The following POC1A variants were observed in gnomAD, a reference collection of about 807,000 sequenced individuals.
The protein encoded by POC1A is POC1 centriolar protein homolog A.
POC1A carries 34 observed loss-of-function variants against 47.8 expected under a neutral mutation model. The ratio of observed to expected loss-of-function variants is 0.71; its 90% confidence interval spans 0.54 to 0.95. The LOEUF (loss-of-function observed/expected upper bound fraction) is 0.95, where lower values mean the gene tolerates loss of function less well. Among genes scored for constraint, POC1A ranks in the 40% least tolerant of loss-of-function variants. POC1A has a pLI of 0.00. For missense variants in POC1A, 466 were observed against 528.3 expected (o/e 0.88, Z 1.16); for synonymous variants, 177 against 207.6 (o/e 0.85, Z 1.27).
At chr3:52,125,632 G>A (rs747659651) in intron 7 of POC1A, among the ~76,000 whole-genome samples, 6 of 152,090 alleles carry the variant, frequency 3.9e-5, no homozygotes, top group Admixed American at 6.6e-5. Context: ...GCTGACCAGA[G>A]AAATAGGGAT....
intron 10 of POC1A, among the ~76,000 whole-genome samples, chr3:52,078,166 GT>G (rs1237150382): frequency 1.3e-5 from 2 of 152,084 alleles, no homozygotes; most frequent in Admixed American, 6.6e-5. Context: ...TCATCTCTGT[GT>G]TTGGTCTCAG....
In POC1A at chr3:52,085,298, G is replaced by A. The variant is rs374998768; in HGVS notation, c.1126-9313C>T. Among the ~76,000 whole-genome samples the A allele has an allele frequency of 1.8e-4, 27 of 152,250 alleles. 1 individual carries two copies. The South Asian group carries it at 5.2e-3, about 29-fold the overall frequency. The stretch of plus-strand genomic sequence containing the variant: ...GAGGCACTTCCCTCTTGGCACTCAG[G>A]TGCCCCTCCGGCCTGCTCCTCTCAG... On this transcript the variant is annotated intron_variant, in intron 10 of 10. Transcript: ENST00000296484.
chr3:52,114,540 T>C lies in POC1A; in HGVS notation c.981+7839A>G, dbSNP rs1489711065. Among the ~76,000 whole-genome samples, 3 of 152,148 alleles carry C rather than the reference T, an allele frequency of 2.0e-5. No individual in the cohort carries two copies. The South Asian group carries it at 6.2e-4, about 32-fold the overall frequency. ...AGGGGTGAGGATGCTGGGCTCCTTT[T>C]TCCCACTGAGAAATGAGGAGACTCC... On this transcript the variant is annotated intron_variant, in intron 9 of 10. Coordinates refer to ENST00000296484, the MANE Select transcript of POC1A (RefSeq NM_015426.5).
At chr3:52,092,697 C>T (rs1213600817) in intron 10 of POC1A, among the ~76,000 whole-genome samples, 4 of 152,120 alleles carry the variant, frequency 2.6e-5, no homozygotes, top group African/African-American at 7.2e-5. Context: ...TGCACCTGCT[C>T]GGCTCACAAG....
chr3:52,115,964 C>T (rs1398159700), intron 9 of POC1A, among the ~76,000 whole-genome samples: 1 of 152,160 alleles, frequency 6.6e-6, no homozygotes, highest in Non-Finnish European at 1.5e-5. Flanking sequence ...GCCCAGACTT[C>T]ACCCCTACAC....
chr3:52,127,287 C>A (rs1477351210), intron 7 of POC1A, among the ~76,000 whole-genome samples: 2 of 152,172 alleles, frequency 1.3e-5, no homozygotes, highest in Non-Finnish European at 2.9e-5. Flanking sequence ...CACTCAGATA[C>A]CCTTTCAGGT....
intron 9 of POC1A, among the ~76,000 whole-genome samples, chr3:52,122,120 C>T (rs575903900): frequency 7.9e-5 from 12 of 152,316 alleles, no homozygotes; most frequent in African/African-American, 2.9e-4. Context: ...CATGGCAACA[C>T]GCTCCCACCA....
chr3:52,142,531 T>C (rs932277276), intron 6 of POC1A, among the ~76,000 whole-genome samples: 2 of 152,204 alleles, frequency 1.3e-5, no homozygotes, highest in Non-Finnish European at 1.5e-5. Context: ...AGCACAACTA[T>C]GGACGGCTGG....
Position 52,103,661 on chromosome 3 carries a change from A to G in POC1A, c.982-6949T>C, listed in dbSNP as rs1040720605. Among the ~76,000 whole-genome samples the G allele has an allele frequency of 1.6e-4, 25 of 152,238 alleles. 1 individual carries two copies. Among genetic ancestry groups the G allele is most frequent in the Non-Finnish European group, 4.4e-5 (3 of 68,046 alleles). ...AGATATGACACCTAAAGTATGATCC[A>G]TAAAAGAAAAAATTGATAAAATGAA... On this transcript the variant is annotated intron_variant, in intron 9 of 10. Coordinates refer to ENST00000296484, the MANE Select transcript of POC1A (RefSeq NM_015426.5).
chr3:52,120,705 C>T (rs1361756900), intron 9 of POC1A, among the ~76,000 whole-genome samples: 1 of 152,186 alleles, frequency 6.6e-6, no homozygotes, highest in East Asian at 1.9e-4. Flanking sequence ...ACAACTCCAA[C>T]GTGAGTCTGT....
At chr3:52,077,512 G>T (rs1263270276) in intron 10 of POC1A, among the ~76,000 whole-genome samples, 4 of 152,210 alleles carry the variant, frequency 2.6e-5, no homozygotes, top group Admixed American at 2.6e-4. Flanking sequence ...ACAGAGCCTG[G>T]AAAAATTGCT....
In POC1A at chr3:52,149,237, T is replaced by C; in HGVS notation, c.428A>G (p.Gln143Arg). Residue 143 changes from glutamine (Q) to arginine (R), a missense_variant, in exon 4 of 11, where the codon CAG becomes CGG. By Grantham distance (43) the Gln-to-Arg change is conservative (BLOSUM62 1). Coordinates refer to ENST00000296484, the MANE Select transcript of POC1A (RefSeq NM_015426.5). Reference sequence around the variant, plus strand: ...GGCACAGCGGACCCAGTTGATATGCTGGCTCAGGGAGAACAGGAATTTCTG... The same window carrying C: ...GGCACAGCGGACCCAGTTGATATGCCGGCTCAGGGAGAACAGGAATTTCTG... ...HRQKFLFSLS[Q>R]HINWVRCAKF... 1 of 1,614,148 alleles carries C rather than the reference T, an allele frequency of 6.2e-7. No homozygotes were observed. Among genetic ancestry groups the C allele is most frequent in the Non-Finnish European group, 8.5e-7 (1 of 1,180,020 alleles).
At chr3:52,124,884 C>G (rs1449650210) in intron 8 of POC1A, among the ~76,000 whole-genome samples, 1 of 152,220 alleles carries the variant, frequency 6.6e-6, no homozygotes, top group Non-Finnish European at 1.5e-5. Flanking sequence ...AGTGAGGATT[C>G]TGAGATGCAG....
chr3:52,137,022 C>T (rs1559845036), intron 7 of POC1A, among the ~76,000 whole-genome samples: 1 of 152,298 alleles, frequency 6.6e-6, no homozygotes, highest in South Asian at 2.1e-4. Flanking sequence ...AACGGTTACA[C>T]ATGAATCTGT....
intron 6 of POC1A, among the ~76,000 whole-genome samples, chr3:52,139,143 CT>C (rs1237029810): frequency 6.6e-6 from 1 of 152,198 alleles, no homozygotes; most frequent in Non-Finnish European, 1.5e-5. Context: ...GAGCAAGCAT[CT>C]TAACCACATT....
In POC1A at chr3:52,090,192, G is replaced by A. The variant is rs1702598599; in HGVS notation, c.1125+6377C>T. On this transcript the variant is annotated intron_variant, in intron 10 of 10. Coordinates refer to ENST00000296484, the MANE Select transcript of POC1A (RefSeq NM_015426.5). The surrounding 1 kb of genome is among the most constrained non-coding windows in gnomAD (Gnocchi z 4.2). ...CATTTTCAAGTCCTGGAGCCCAGCA[G>A]CCTCCATGAGTCACAGGAACTGGAA... Among the ~76,000 whole-genome samples, 1 of 152,166 alleles carries A rather than the reference G, an allele frequency of 6.6e-6. No homozygotes were observed. The highest frequency in any genetic ancestry group is 6.5e-5 in the Admixed American group (1 of 15,290).
intron 9 of POC1A, among the ~76,000 whole-genome samples, chr3:52,100,052 A>C (rs1702943534): frequency 6.6e-6 from 1 of 152,148 alleles, no homozygotes; most frequent in African/African-American, 2.4e-5. Context: ...CTCTCATGCC[A>C]CCCTGGGGTG....
chr3:52,097,606 G>A (rs61467183), intron 9 of POC1A, among the ~76,000 whole-genome samples: 1 of 152,328 alleles, frequency 6.6e-6, no homozygotes, highest in African/African-American at 2.4e-5. Context: ...TGGGAATGTG[G>A]TTCAGCACAT....
At chr3:52,111,133 A>G (rs1703365749) in intron 9 of POC1A, among the ~76,000 whole-genome samples, 1 of 152,192 alleles carries the variant, frequency 6.6e-6, no homozygotes, top group Non-Finnish European at 1.5e-5. Flanking sequence ...AAGTCATTAA[A>G]TAGGCCTTCC....
Sources: allele counts gnomAD v4.1 joint callset (sites outside exome capture counted in the v4.1 genomes callset), GRCh38; gene constraint gnomAD v4.1.1; non-coding constraint Gnocchi (gnomAD v3.1); transcripts MANE v1.5; gene names NCBI Gene and HGNC (gene_info 2026-07-23, HGNC 2026-07-21).